The following LDB2 variants were observed in gnomAD, a reference collection of about 807,000 sequenced individuals.
LDB2 encodes LIM domain binding 2.
A neutral mutation model predicts 44.3 loss-of-function variants in LDB2; 12 were observed. The observed-to-expected ratio is 0.27, with a 90% CI of 0.17 to 0.44. The LOEUF (loss-of-function observed/expected upper bound fraction) is 0.44. LDB2 is among the 20% of genes least tolerant of loss of function. The pLI, the probability that LDB2 is intolerant of heterozygous loss-of-function variation, is 1.00. For missense variants in LDB2, 344 were observed against 473.5 expected (o/e 0.73, Z 2.54); for synonymous variants, 164 against 174.8 (o/e 0.94, Z 0.49).
chr4:16,841,651 C>T (rs1006565790), intron 1 of LDB2, among the ~76,000 whole-genome samples: 2 of 152,116 alleles, frequency 1.3e-5, no homozygotes, highest in African/African-American at 4.8e-5. Context: ...CCCTTTTCTC[C>T]TTCTTTGAGA....
At chr4:16,892,432 T>C (rs1404542345) in intron 1 of LDB2, among the ~76,000 whole-genome samples, 1 of 152,218 alleles carries the variant, frequency 6.6e-6, no homozygotes. Flanking sequence ...AGGCTCATAT[T>C]GATTTTTAAA....
chr4:16,622,201 C>T (rs912157500), intron 2 of LDB2, among the ~76,000 whole-genome samples: 13 of 151,916 alleles, frequency 8.6e-5, no homozygotes, highest in East Asian at 1.9e-4. Context: ...ATAAGTGGGC[C>T]GGATACCAGT....
At chr4:16,567,387 CGTGTGTG>C in intron 5 of LDB2, among the ~76,000 whole-genome samples, 1 of 14,932 alleles carries the variant, frequency 6.7e-5, no homozygotes, top group Non-Finnish European at 4.9e-4. Flanking sequence ...TGTGTGTGCG[CGTGTGTG>C]CATGCGTGTG....
chr4:16,586,217 A>C (rs1356441086), intron 4 of LDB2, among the ~76,000 whole-genome samples: 2 of 152,190 alleles, frequency 1.3e-5, no homozygotes, highest in Admixed American at 1.3e-4. Context: ...AGACTGGGGA[A>C]AAACCAAACT....
intron 2 of LDB2, among the ~76,000 whole-genome samples, chr4:16,745,486 AT>A (rs1764213667): frequency 6.6e-6 from 1 of 152,208 alleles, no homozygotes; most frequent in African/African-American, 2.4e-5. Flanking sequence ...ACAATGACAA[AT>A]GTAACAGTTC....
intron 2 of LDB2, among the ~76,000 whole-genome samples, chr4:16,642,872 C>A (rs1735596971): frequency 6.6e-6 from 1 of 152,186 alleles, no homozygotes; most frequent in African/African-American, 2.4e-5. Context: ...CATAGCATTT[C>A]ATTCAGGCTC....
chr4:16,706,941 C>T (rs1334656056), intron 2 of LDB2, among the ~76,000 whole-genome samples: 1 of 152,114 alleles, frequency 6.6e-6, no homozygotes, highest in Non-Finnish European at 1.5e-5. Context: ...CCTTTACTGA[C>T]CACAATTCTG....
chr4:16,620,690 C>G (rs1728626827), intron 2 of LDB2, among the ~76,000 whole-genome samples: 1 of 152,146 alleles, frequency 6.6e-6, no homozygotes, highest in Admixed American at 6.5e-5. Context: ...CCAGCCCCTT[C>G]CCTTCCTCTT....
rs79241182 is a variant in LDB2 at position 16,537,965 on chromosome 4, T to C, written c.616-25861A>G. Among the ~76,000 whole-genome samples, 5 of 152,318 alleles carry C rather than the reference T, an allele frequency of 3.3e-5. No homozygotes were observed. The East Asian group carries it at 9.7e-4, about 29-fold the overall frequency. On this transcript the variant is annotated intron_variant, in intron 5 of 7. Transcript: ENST00000304523. The stretch of plus-strand genomic sequence containing the variant: ...AAAGTGAGCCAAACTGTCAAGGGTG[T>C]TTTACATTTATATTGTACTGCTTTA...
chr4:16,796,160 G>A (rs1468570625), intron 1 of LDB2, among the ~76,000 whole-genome samples: 4 of 152,042 alleles, frequency 2.6e-5, no homozygotes, highest in East Asian at 3.9e-4. Context: ...TGGTGGTGTC[G>A]TGTGGTCCTA....
intron 5 of LDB2, among the ~76,000 whole-genome samples, chr4:16,563,424 ATCAGATTTTTTTTTTTT>A (rs1743205268): frequency 1.6e-5 from 2 of 123,768 alleles, no homozygotes; most frequent in African/African-American, 6.5e-5. Context: ...CTCATCAGTC[ATCAGATTTTTTTTTTTT>A]TTTTTTTTTT....
At chr4:16,846,570 A>G (rs1354152075) in intron 1 of LDB2, among the ~76,000 whole-genome samples, 1 of 152,178 alleles carries the variant, frequency 6.6e-6, no homozygotes, top group African/African-American at 2.4e-5. Context: ...AGTTTGAGAG[A>G]GTATTTCTAG....
intron 6 of LDB2, among the ~76,000 whole-genome samples, chr4:16,509,903 C>T (rs1721025462): frequency 6.6e-6 from 1 of 152,044 alleles, no homozygotes; most frequent in Non-Finnish European, 1.5e-5. Flanking sequence ...ATTGTTTGAG[C>T]CCAGGAATTC....
At chr4:16,799,026 T>C (rs1191615741) in intron 1 of LDB2, among the ~76,000 whole-genome samples, 1 of 152,128 alleles carries the variant, frequency 6.6e-6, no homozygotes, top group African/African-American at 2.4e-5. Flanking sequence ...AATTTTTTTT[T>C]GTATTTTTAG....
At chr4:16,614,555 A>G (rs1726594322) in intron 2 of LDB2, among the ~76,000 whole-genome samples, 1 of 149,170 alleles carries the variant, frequency 6.7e-6, no homozygotes, top group South Asian at 2.2e-4. Flanking sequence ...TTTACAAGGA[A>G]CTTAAACACA....
At chr4:16,527,526 C>T (rs933699768) in intron 5 of LDB2, among the ~76,000 whole-genome samples, 17 of 152,150 alleles carry the variant, frequency 1.1e-4, no homozygotes, top group African/African-American at 3.9e-4. Flanking sequence ...TATGGAAATT[C>T]CTTAAAGAAC....
At chr4:16,687,905 G>C (rs996007277) in intron 2 of LDB2, among the ~76,000 whole-genome samples, 1 of 152,166 alleles carries the variant, frequency 6.6e-6, no homozygotes, top group Admixed American at 6.5e-5. Context: ...GGTAGAGAAG[G>C]AGCTCTTATC....
chr4:16,707,664 C>T (rs1243945766), intron 2 of LDB2, among the ~76,000 whole-genome samples: 1 of 151,962 alleles, frequency 6.6e-6, no homozygotes, highest in Non-Finnish European at 1.5e-5. Flanking sequence ...AATTATTTTA[C>T]ACCTGTCTTT....
intron 2 of LDB2, among the ~76,000 whole-genome samples, chr4:16,710,168 A>T (rs1755555400): frequency 6.6e-6 from 1 of 152,218 alleles, no homozygotes; most frequent in African/African-American, 2.4e-5. Context: ...AATAGTTTTT[A>T]AAAATATTTC....
Sources: allele counts gnomAD v4.1 joint callset (sites outside exome capture counted in the v4.1 genomes callset), GRCh38; gene constraint gnomAD v4.1.1; transcripts MANE v1.5; gene names NCBI Gene and HGNC (gene_info 2026-07-23, HGNC 2026-07-21).